The following LTBP2 variants were observed in gnomAD, a reference collection of about 807,000 sequenced individuals.
The protein encoded by LTBP2 is latent-transforming growth factor beta-binding protein 2.
A neutral mutation model predicts 210.6 loss-of-function variants in LTBP2; 103 were observed. The ratio of observed to expected loss-of-function variants is 0.49; its 90% CI spans 0.42 to 0.58. The LOEUF is 0.58. Ranked by LOEUF, LTBP2 falls within the 20% of genes least tolerant of loss-of-function variation. LTBP2 has a pLI of 0.00. For synonymous variants in LTBP2, 1,007 were observed against 1,015.0 expected (o/e 0.99, Z 0.15); for missense variants, 2,313 against 2,494.5 (o/e 0.93, Z 1.55).
intron 3 of LTBP2, among the ~76,000 whole-genome samples, chr14:74,578,349 C>T (rs2088089278): frequency 6.6e-6 from 1 of 152,228 alleles, no homozygotes. Context: ...AGTAAATTCT[C>T]CCAACCATCG....
chr14:74,507,942 G>C, intron 25 of LTBP2, 31 bp downstream of exon 25: 1 of 1,611,582 alleles, frequency 6.2e-7, no homozygotes. Flanking sequence ...GATGTGGGCA[G>C]AGCCCTGTGC....
chr14:74,583,966 G>A (rs1002033457), intron 3 of LTBP2, among the ~76,000 whole-genome samples: 2 of 152,014 alleles, frequency 1.3e-5, no homozygotes, highest in Admixed American at 6.5e-5. Flanking sequence ...AACACATGGG[G>A]TGGTGCCCTT....
At chr14:74,507,812 T>C (rs1391557918) in intron 25 of LTBP2, among the ~76,000 whole-genome samples, 161 bp downstream of exon 25, 1 of 152,238 alleles carries the variant, frequency 6.6e-6, no homozygotes, top group African/African-American at 2.4e-5. Context: ...CTTCATTTTG[T>C]CATCCTTGGA....
chr14:74,536,076 G>A (rs2087418296), intron 8 of LTBP2, 76 bp from the exon 9 acceptor site: 4 of 1,291,590 alleles, frequency 3.1e-6, no homozygotes, highest in South Asian at 1.2e-5. Context: ...GGAAGCGGGT[G>A]CAGTCTGGAT....
At chr14:74,573,717 T>C (rs2088016586) in intron 3 of LTBP2, among the ~76,000 whole-genome samples, 1 of 152,202 alleles carries the variant, frequency 6.6e-6, no homozygotes, top group Non-Finnish European at 1.5e-5. Flanking sequence ...TGTAAATAAA[T>C]ACATCGAGTG....
chr14:74,555,422 A>T (rs548209747), intron 4 of LTBP2, 81 bp downstream of exon 4: 1 of 1,400,150 alleles, frequency 7.1e-7, no homozygotes, highest in South Asian at 1.2e-5. Flanking sequence ...CCCCTCTGTG[A>T]GAGCAGAGGG....
At chr14:74,567,222 G>A (rs1215717562) in intron 3 of LTBP2, among the ~76,000 whole-genome samples, 1 of 152,142 alleles carries the variant, frequency 6.6e-6, no homozygotes, top group African/African-American at 2.4e-5. Flanking sequence ...GTTTCTAAAG[G>A]GTCCAGAGAC....
rs562414916 is a variant in LTBP2, at chr14:74,503,619, G to A, written c.4583-13C>T. On this transcript the variant is annotated splice_polypyrimidine_tract_variant and intron_variant, in intron 31 of 35. Coordinates refer to ENST00000261978, the MANE Select transcript of LTBP2 (RefSeq NM_000428.3). ...CACTCATCGTGATCTGGGGAGGCAGGAAAGGGTGGGGCATTGCCAAGGTGG... is the reference window on the plus strand; with the variant it reads ...CACTCATCGTGATCTGGGGAGGCAGAAAAGGGTGGGGCATTGCCAAGGTGG... The A allele has an allele frequency of 3.3e-5, 54 of 1,613,070 alleles. No individual in the cohort carries two copies. In the East Asian group the frequency reaches 1.2e-3, roughly 35 times the overall value.
chr14:74,533,750 A>G (rs1353851615), intron 9 of LTBP2, among the ~76,000 whole-genome samples: 1 of 152,054 alleles, frequency 6.6e-6, no homozygotes, highest in East Asian at 1.9e-4. Context: ...TTCTTCTGTG[A>G]CCTCAAAGGG....
chr14:74,500,722 C>A lies in LTBP2; in HGVS notation c.*162G>T. ...AAGGGCATGGAGGCAATGACCGAAGCTTACAGCCAGAGGCTAAGCTGGGAG... is the reference window on the plus strand; with the variant it reads ...AAGGGCATGGAGGCAATGACCGAAGATTACAGCCAGAGGCTAAGCTGGGAG... On this transcript the variant is annotated 3_prime_UTR_variant, in exon 36 of 36. Transcript: ENST00000261978. The A allele has an allele frequency of 1.0e-6, 1 of 953,900 alleles. No homozygotes were observed. Among genetic ancestry groups the A allele is most frequent in the Non-Finnish European group, 1.6e-6 (1 of 610,528 alleles). The allele number at this position is 953,900 out of a possible 1,614,324, so 59.1% of individuals were successfully genotyped here. A position where few individuals can be genotyped will look rare whatever the true frequency, so the allele number is the denominator to read the frequency against.
At chr14:74,555,719 G>C in intron 3 of LTBP2, 26 bp from the exon 4 acceptor site, 1 of 1,477,824 alleles carries the variant, frequency 6.8e-7, no homozygotes, top group Non-Finnish European at 9.0e-7. Flanking sequence ...CGGCACGGGG[G>C]TTTGCACCCT....
chr14:74,511,455 G>T (rs1017648811), intron 18 of LTBP2, 91 bp from the exon 19 acceptor site: 1 of 1,534,272 alleles, frequency 6.5e-7, no homozygotes, highest in Admixed American at 1.7e-5. Context: ...CCTGCCTTTG[G>T]TTGGGGAGAG....
Position 74,527,346 on chromosome 14 carries a change from C to A in LTBP2, c.2388+1G>T. On this transcript the variant is annotated splice_donor_variant, in intron 13 of 35. Coordinates refer to ENST00000261978, the MANE Select transcript of LTBP2 (RefSeq NM_000428.3). LOFTEE classifies it high-confidence loss of function. ...GCCCCCTAGTGGGAGGACGCACTCA[C>A]CTGGCCAGCCTGAGAGTCACCTGGA... is the stretch of plus-strand genomic sequence containing the variant. The A allele has an allele frequency of 6.2e-7, 1 of 1,611,506 alleles. No individual in the cohort carries two copies. Among genetic ancestry groups the A allele is most frequent in the Non-Finnish European group, 8.5e-7 (1 of 1,179,184 alleles).
chr14:74,517,088 A>C, intron 17 of LTBP2, 147 bp from the exon 18 acceptor site: 2 of 1,051,262 alleles, frequency 1.9e-6, no homozygotes, highest in South Asian at 2.7e-5. Context: ...CTGCAGCCAC[A>C]ATTGCCTGGA....
chr14:74,603,605 G>T, intron 2 of LTBP2, 30 bp downstream of exon 2: 1 of 1,609,956 alleles, frequency 6.2e-7, no homozygotes, highest in East Asian at 2.2e-5. Context: ...TTGATAGAGC[G>T]GAGTGTCTGC....
intron 1 of LTBP2, among the ~76,000 whole-genome samples, chr14:74,610,243 G>T (rs1401198467): frequency 3.9e-5 from 6 of 152,202 alleles, no homozygotes; most frequent in Non-Finnish European, 8.8e-5. Context: ...GTACTATGAA[G>T]AAACATAAAG....
chr14:74,521,844 C>T (rs2087206769), intron 17 of LTBP2, 67 bp downstream of exon 17: 3 of 1,605,052 alleles, frequency 1.9e-6, no homozygotes, highest in South Asian at 1.1e-5. Context: ...GGTGTGAACC[C>T]CTGGTTCCTC....
chr14:74,540,562 G>T (rs1019447417), intron 8 of LTBP2, among the ~76,000 whole-genome samples: 1 of 150,706 alleles, frequency 6.6e-6, no homozygotes, highest in African/African-American at 2.4e-5. Context: ...TCAGGAGATC[G>T]AGACCATCCT....
chr14:74,510,996 T>C (rs555219328), intron 19 of LTBP2, among the ~76,000 whole-genome samples: 3 of 152,310 alleles, frequency 2.0e-5, no homozygotes, highest in South Asian at 4.1e-4. Flanking sequence ...CAGAAGCTGC[T>C]GGGACTTTGG....
Sources: allele counts gnomAD v4.1 joint callset (sites outside exome capture counted in the v4.1 genomes callset), GRCh38; gene constraint gnomAD v4.1.1; transcripts MANE v1.5; gene names NCBI Gene and HGNC (gene_info 2026-07-23, HGNC 2026-07-21).